RPS6KC1: variants seen among roughly 807,000 people sequenced by gnomAD.
RPS6KC1 encodes inactive ribosomal protein S6 kinase delta-1.
A neutral mutation model predicts 103.8 loss-of-function variants in RPS6KC1; 54 were observed. The observed-to-expected ratio is 0.52, with a 90% CI of 0.42 to 0.65. The LOEUF (loss-of-function observed/expected upper bound fraction) is 0.65. Among genes scored for constraint, RPS6KC1 ranks in the 30% least tolerant of loss-of-function variants. RPS6KC1 has a pLI of 0.00. For synonymous variants in RPS6KC1, 439 were observed against 438.7 expected (o/e 1.00, Z -0.01); for missense variants, 1,151 against 1,253.8 (o/e 0.92, Z 1.24).
chr1:213,687,496 A>T, the RPS6KC1 span, among the ~76,000 whole-genome samples: 1 of 152,296 alleles, frequency 6.6e-6, no homozygotes, highest in Admixed American at 6.5e-5. Flanking sequence ...TATGTCTAAT[A>T]TCACATACAT....
At chr1:213,514,849 G>A in the RPS6KC1 span, among the ~76,000 whole-genome samples, 1 of 152,208 alleles carries the variant, frequency 6.6e-6, no homozygotes, top group African/African-American at 2.4e-5. Flanking sequence ...CCCACCAACA[G>A]TGTAAAAGTG....
the RPS6KC1 span, among the ~76,000 whole-genome samples, chr1:213,833,810 G>C: frequency 7.2e-5 from 11 of 152,012 alleles, no homozygotes; most frequent in African/African-American, 2.2e-4. Context: ...CTAGAGGTGG[G>C]ACAAGTCAGG....
chr1:213,757,076 TCTC>T, the RPS6KC1 span, among the ~76,000 whole-genome samples: 1 of 152,208 alleles, frequency 6.6e-6, no homozygotes, highest in Non-Finnish European at 1.5e-5. Flanking sequence ...CCACCATCTC[TCTC>T]CTCCTTCTCA....
intron 6 of RPS6KC1, among the ~76,000 whole-genome samples, chr1:213,153,957 C>A (rs2089565668): frequency 6.6e-6 from 1 of 152,162 alleles, no homozygotes; most frequent in East Asian, 1.9e-4. Flanking sequence ...TAAGCTGTTT[C>A]TGCTTTAGGG....
chr1:213,450,162 A>T, the RPS6KC1 span, among the ~76,000 whole-genome samples: 1 of 152,278 alleles, frequency 6.6e-6, no homozygotes, highest in East Asian at 1.9e-4. Context: ...GGTACATAGG[A>T]CAGCACCTGG....
chr1:213,453,598 A>G, the RPS6KC1 span, among the ~76,000 whole-genome samples: 1 of 152,158 alleles, frequency 6.6e-6, no homozygotes, highest in African/African-American at 2.4e-5. Context: ...GTGAAAAGCA[A>G]TTAGTGTGGT....
chr1:213,538,628 A>G, the RPS6KC1 span, among the ~76,000 whole-genome samples: 81 of 152,230 alleles, frequency 5.3e-4, no homozygotes, highest in African/African-American at 1.8e-3. Flanking sequence ...TCTGGAGCAG[A>G]AGGTCAGGTT....
intron 1 of RPS6KC1, among the ~76,000 whole-genome samples, chr1:213,065,537 C>T (rs187285366): frequency 4.5e-4 from 69 of 152,332 alleles, no homozygotes; most frequent in African/African-American, 1.6e-3. Flanking sequence ...ACTCAATTCA[C>T]ATTATCCTAG....
intron 9 of RPS6KC1, among the ~76,000 whole-genome samples, chr1:213,231,135 G>T (rs560491401): frequency 1.6e-3 from 244 of 152,226 alleles, no homozygotes; most frequent in African/African-American, 5.8e-3. Context: ...GAACCATTTT[G>T]TGTTGTTTGA....
chr1:213,129,752 A>G lies in RPS6KC1; in HGVS notation c.698A>G (p.Lys233Arg), dbSNP rs756134497. 6.2e-7 allele frequency: 1 copy of G among 1,614,012 alleles called. No homozygotes were observed. The highest frequency in any genetic ancestry group is 8.5e-7 in the Non-Finnish European group (1 of 1,180,004). Residue 233 changes from lysine to arginine, a missense_variant, in exon 6 of 15, where the codon AAG becomes AGG. This residue lies in a region of RPS6KC1 where 959 missense variants were observed against 1,006.3 expected (regional missense o/e 0.95). Transcript: ENST00000366960. ...CTCTTTCCTGGCAGTTTAAAGCCGAAGCTTGGCAAGAGAGATTATTTGGAG... is the reference window on the plus strand; with the variant it reads ...CTCTTTCCTGGCAGTTTAAAGCCGAGGCTTGGCAAGAGAGATTATTTGGAG... ...RSLFPGSLKP[K>R]LGKRDYLEKA...
the RPS6KC1 span, among the ~76,000 whole-genome samples, chr1:213,580,120 C>A: frequency 1.3e-5 from 2 of 152,166 alleles, no homozygotes; most frequent in East Asian, 3.9e-4. Context: ...TAAAAACCTC[C>A]TGGAAAGGAT....
chr1:213,817,425 C>A, the RPS6KC1 span, among the ~76,000 whole-genome samples: 1 of 147,612 alleles, frequency 6.8e-6, no homozygotes, highest in African/African-American at 2.7e-5. Flanking sequence ...TCCTACAAGG[C>A]ACTGGAGGTA....
chr1:213,757,334 AC>A, the RPS6KC1 span, among the ~76,000 whole-genome samples: 1 of 152,278 alleles, frequency 6.6e-6, no homozygotes, highest in South Asian at 2.1e-4. Flanking sequence ...TAAAAGTACT[AC>A]TCCAGTGAAC....
At chr1:213,060,290 AGTT>A (rs1484794352) in intron 1 of RPS6KC1, among the ~76,000 whole-genome samples, 1 of 152,188 alleles carries the variant, frequency 6.6e-6, no homozygotes. Flanking sequence ...AGGCAGTGGG[AGTT>A]GTTAGATTTC....
At chr1:213,117,872 A>G (rs2083850634) in intron 5 of RPS6KC1, among the ~76,000 whole-genome samples, 1 of 151,596 alleles carries the variant, frequency 6.6e-6, no homozygotes, top group African/African-American at 2.4e-5. Flanking sequence ...AAACAGAAAA[A>G]TTAGCTGGGT....
At chr1:213,412,892 C>T in the RPS6KC1 span, among the ~76,000 whole-genome samples, 5 of 152,230 alleles carry the variant, frequency 3.3e-5, no homozygotes, top group Non-Finnish European at 2.9e-5. Flanking sequence ...AACACTCCCC[C>T]CAGCCACAGT....
chr1:213,080,343 T>C (rs1004536327), intron 3 of RPS6KC1, among the ~76,000 whole-genome samples: 1 of 152,230 alleles, frequency 6.6e-6, no homozygotes, highest in African/African-American at 2.4e-5. Context: ...CTGTTGACTT[T>C]ATTTCTCGTT....
chr1:213,778,260 T>C, the RPS6KC1 span, among the ~76,000 whole-genome samples: 10 of 152,226 alleles, frequency 6.6e-5, no homozygotes, highest in African/African-American at 2.2e-4. Context: ...ATCTGTCCAC[T>C]TCCCGGGTGG....
chr1:213,632,868 TGAAAAC>T, the RPS6KC1 span, among the ~76,000 whole-genome samples: 7 of 152,262 alleles, frequency 4.6e-5, no homozygotes, highest in Non-Finnish European at 8.8e-5. Context: ...CTGATGGAGC[TGAAAAC>T]CATGGCATGA....
Sources: allele counts gnomAD v4.1 joint callset (sites outside exome capture counted in the v4.1 genomes callset), GRCh38; gene constraint gnomAD v4.1.1; regional missense constraint gnomAD v4.1.1; transcripts MANE v1.5; gene names NCBI Gene and HGNC (gene_info 2026-07-23, HGNC 2026-07-21).